Variants in DNAH11 observed in about 807,000 individuals in gnomAD.
DNAH11 encodes axonemal beta dynein heavy chain 11.
DNAH11 carries 442 observed loss-of-function variants against 526.0 expected under a neutral mutation model. The ratio of observed to expected loss-of-function variants is 0.84; its 90% confidence interval spans 0.78 to 0.91. DNAH11 has a LOEUF of 0.91. DNAH11 is among the 40% of genes least tolerant of loss of function. The probability of loss-of-function intolerance (pLI) is 0.00; values close to 1 mark genes in which losing one functional copy is unlikely to be tolerated. For missense variants in DNAH11, 6,989 were observed against 5,448.7 expected, an observed-to-expected ratio of 1.28 and a Z score of -8.90; for synonymous variants, 2,461 against 1,935.9, an observed-to-expected ratio of 1.27 and a Z score of -7.12.
chr7:21,621,939 A>G (rs1233936883), intron 25 of DNAH11, among the ~76,000 whole-genome samples: 5 of 152,126 alleles, frequency 3.3e-5, no homozygotes, highest in African/African-American at 1.2e-4. Context: ...CACCACTCCT[A>G]TTCAACATAG....
At chr7:21,606,084 G>T (rs1381775953) in intron 18 of DNAH11, among the ~76,000 whole-genome samples, 2 of 152,156 alleles carry the variant, frequency 1.3e-5, no homozygotes, top group Non-Finnish European at 2.9e-5. Context: ...AGCACTTTGG[G>T]AGCCAGAGGC....
At chr7:21,842,989 CAA>C (rs766246411) in intron 66 of DNAH11, among the ~76,000 whole-genome samples, 2 of 152,018 alleles carry the variant, frequency 1.3e-5, no homozygotes, top group Non-Finnish European at 2.9e-5. Flanking sequence ...TGAGGGCAAA[CAA>C]AGAGGCATAC....
chr7:21,620,559 T>C lies in DNAH11; in HGVS notation c.4500+481T>C, dbSNP rs149023230. ...GTTGTTGCAAACCAGGATTTTATTC[T>C]TTTTTTTAAATTTTACTATTATACT... On this transcript the variant is annotated intron_variant, in intron 25 of 81. Coordinates refer to ENST00000409508, the MANE Select transcript of DNAH11 (RefSeq NM_001277115.2). Among the ~76,000 whole-genome samples the C allele has an allele frequency of 1.3e-4, 20 of 152,116 alleles. No homozygotes were observed. In the East Asian group the frequency reaches 2.5e-3, roughly 19 times the overall value.
intron 45 of DNAH11, among the ~76,000 whole-genome samples, chr7:21,727,714 T>C (rs781076593): frequency 3.3e-5 from 5 of 152,216 alleles, no homozygotes; most frequent in Non-Finnish European, 5.9e-5. Context: ...TCTGTGGCAT[T>C]TATTAGGAGG....
At chr7:21,552,018 G>T (rs1378711078) in intron 2 of DNAH11, among the ~76,000 whole-genome samples, 1 of 152,178 alleles carries the variant, frequency 6.6e-6, no homozygotes, top group Non-Finnish European at 1.5e-5. Context: ...TAGCAGCAGG[G>T]CTGTGGCAGC....
chr7:21,775,490 C>A (rs1787632756), intron 56 of DNAH11, among the ~76,000 whole-genome samples: 1 of 151,884 alleles, frequency 6.6e-6, no homozygotes, highest in South Asian at 2.1e-4. Context: ...TGGTGGCGCA[C>A]ACCTGTAGAC....
chr7:21,783,230 C>G (rs1788029252), intron 57 of DNAH11, among the ~76,000 whole-genome samples: 1 of 152,042 alleles, frequency 6.6e-6, no homozygotes, highest in Admixed American at 6.6e-5. Flanking sequence ...ATGCAGGGTT[C>G]TCCGATTTAC....
chr7:21,762,802 C>G (rs544268263), intron 54 of DNAH11, among the ~76,000 whole-genome samples: 1 of 152,072 alleles, frequency 6.6e-6, no homozygotes, highest in African/African-American at 2.4e-5. Flanking sequence ...TCAGAAGATT[C>G]ATCTTGGCAA....
At chr7:21,689,503 C>T (rs183386570) in intron 34 of DNAH11, among the ~76,000 whole-genome samples, 3 of 152,336 alleles carry the variant, frequency 2.0e-5, no homozygotes, top group African/African-American at 7.2e-5. Context: ...CTTCTAGTGC[C>T]TTGCCAGCTC....
At chr7:21,757,749 G>A (rs1162782665) in intron 54 of DNAH11, among the ~76,000 whole-genome samples, 1 of 152,142 alleles carries the variant, frequency 6.6e-6, no homozygotes, top group Admixed American at 6.6e-5. Context: ...AGGGACCTGA[G>A]ACTCTCAACA....
In DNAH11 at chr7:21,786,721, T is replaced by C; in HGVS notation, c.9695T>C (p.Val3232Ala). Residue 3232 changes from valine (V) to alanine (A), a missense_variant, in exon 59 of 82, where the codon GTG becomes GCG. Physicochemically the swap from Val to Ala is moderately conservative, Grantham distance 64. Transcript: ENST00000409508. Reference sequence around the variant, plus strand: ...GTCCTTCTGGCTCCTCGGGGAAGAGTGCCCAAAGACCGAAGTTGGAAAGCA... The same window carrying C: ...GTCCTTCTGGCTCCTCGGGGAAGAGCGCCCAAAGACCGAAGTTGGAAAGCA... Reference protein sequence around the residue: ...VMVLLAPRGRVPKDRSWKAAK... With the variant: ...VMVLLAPRGRAPKDRSWKAAK... 1 of 1,613,610 alleles carries C rather than the reference T, an allele frequency of 6.2e-7. No homozygotes were observed. Among genetic ancestry groups the C allele is most frequent in the South Asian group, 1.1e-5 (1 of 91,038 alleles).
At position 21,742,206 on chromosome 7, in the gene DNAH11, A is replaced by G. The variant is rs377297651; in HGVS notation, c.8154+40A>G. On this transcript the variant is annotated intron_variant, in intron 49 of 81. Transcript: ENST00000409508. Reference sequence around the variant, plus strand: ...CTATGTTATGCCTCTTGAGTAGAGAAATAATGATAATACTATGTATTAGCC... The same window carrying G: ...CTATGTTATGCCTCTTGAGTAGAGAGATAATGATAATACTATGTATTAGCC... The G allele has an allele frequency of 3.1e-6, 5 of 1,598,754 alleles. No individual in the cohort carries two copies. The African/African-American group carries it at 6.7e-5, about 21-fold the overall frequency.
rs577287949 is a variant in DNAH11, at chr7:21,600,580, T to A, written c.3001-96T>A. Reference sequence around the variant, plus strand: ...TGATTTTTAATTTTTCTAACTACTCTCCCTTTGAAGAATTACCTTGGTAAT... The same window carrying A: ...TGATTTTTAATTTTTCTAACTACTCACCCTTTGAAGAATTACCTTGGTAAT... On this transcript the variant is annotated intron_variant, in intron 15 of 81. Transcript: ENST00000409508. The A allele has an allele frequency of 6.2e-5, 79 of 1,280,050 alleles. No individual in the cohort carries two copies. The South Asian group carries it at 1.8e-3, about 28-fold the overall frequency. 79.3% of individuals were successfully genotyped at this position (1,280,050 alleles called of 1,614,324 possible).
At chr7:21,763,382 C>T (rs921159181) in intron 54 of DNAH11, among the ~76,000 whole-genome samples, 20 of 144,710 alleles carry the variant, frequency 1.4e-4, no homozygotes, top group Non-Finnish European at 2.6e-4. Flanking sequence ...TTACAAATAT[C>T]CAACAGGTAT....
chr7:21,901,792 C>CTT lies in DNAH11; in HGVS notation c.*541_*542dup, dbSNP rs1784880225. On this transcript the variant is annotated 3_prime_UTR_variant, in exon 82 of 82. Transcript: ENST00000409508. ...CAGTGTCTACAATGTTGATGGTCCCCTTTTGTTCAGTCAAGTTTTAATAAA... is the reference window on the plus strand; with the variant it reads ...CAGTGTCTACAATGTTGATGGTCCCCTTTTTTGTTCAGTCAAGTTTTAATAAA... 2 of 163,178 alleles carry CTT rather than the reference C, an allele frequency of 1.2e-5. No homozygotes were observed. Among genetic ancestry groups the CTT allele is most frequent in the South Asian group, 3.4e-4 (2 of 5,886 alleles). 10.1% of individuals were successfully genotyped at this position (163,178 alleles called of 1,614,324 possible).
chr7:21,870,886 G>A (rs149109441), intron 73 of DNAH11, among the ~76,000 whole-genome samples: 195 of 152,322 alleles, frequency 1.3e-3, no homozygotes, highest in African/African-American at 4.5e-3. Flanking sequence ...AATTGGTAAG[G>A]AGAGATTATA....
At chr7:21,705,299 T>C (rs192747560) in intron 38 of DNAH11, among the ~76,000 whole-genome samples, 161 bp from the exon 39 acceptor site, 1 of 152,334 alleles carries the variant, frequency 6.6e-6, no homozygotes, top group East Asian at 1.9e-4. Flanking sequence ...CAGGAAAAAC[T>C]ATACTTTTCA....
chr7:21,724,597 C>G (rs1001678376), intron 44 of DNAH11, among the ~76,000 whole-genome samples: 2 of 144,904 alleles, frequency 1.4e-5, no homozygotes, highest in Admixed American at 6.8e-5. Flanking sequence ...CGCCAGGTCT[C>G]CTGTGGATAT....
At chr7:21,674,749 C>G (rs1782800256) in intron 30 of DNAH11, among the ~76,000 whole-genome samples, 1 of 151,980 alleles carries the variant, frequency 6.6e-6, no homozygotes, top group Non-Finnish European at 1.5e-5. Flanking sequence ...GAAGCACAGC[C>G]AGAAGCAGAT....
Sources: allele counts gnomAD v4.1 joint callset (sites outside exome capture counted in the v4.1 genomes callset), GRCh38; gene constraint gnomAD v4.1.1; transcripts MANE v1.5; gene names NCBI Gene and HGNC (gene_info 2026-07-23, HGNC 2026-07-21).